NRCAM: variants seen among roughly 807,000 people sequenced by gnomAD.
NRCAM encodes the protein NgCAM-related cell adhesion molecule.
NRCAM carries 83 observed loss-of-function variants against 156.5 expected under a neutral mutation model. That is an observed-to-expected ratio of 0.53 (90% confidence interval 0.44 to 0.64). The LOEUF (loss-of-function observed/expected upper bound fraction) is 0.64, where lower values mean the gene tolerates loss of function less well. Among genes scored for constraint, NRCAM ranks in the 30% least tolerant of loss-of-function variants. NRCAM has a pLI of 0.00. For missense variants in NRCAM, 1,417 were observed against 1,597.3 expected (o/e 0.89, Z 1.92); for synonymous variants, 538 against 563.9 (o/e 0.95, Z 0.65).
intron 2 of NRCAM, among the ~76,000 whole-genome samples, chr7:108,348,974 G>C (rs2099390966): frequency 1.3e-5 from 2 of 152,030 alleles, no homozygotes; most frequent in Non-Finnish European, 2.9e-5. Flanking sequence ...ATCAGGATGG[G>C]GGGGAATGTA....
At chr7:108,283,461 G>A (rs1403631873) in intron 3 of NRCAM, among the ~76,000 whole-genome samples, 3 of 152,188 alleles carry the variant, frequency 2.0e-5, no homozygotes, top group Non-Finnish European at 4.4e-5. Context: ...CATCTGATGT[G>A]GACTTTGAAG....
chr7:108,154,258 T>C (rs2043494403), intron 32 of NRCAM, among the ~76,000 whole-genome samples: 1 of 152,148 alleles, frequency 6.6e-6, no homozygotes, highest in African/African-American at 2.4e-5. Context: ...TTGAAACTGG[T>C]GGAAGATCTT....
intron 1 of NRCAM, among the ~76,000 whole-genome samples, chr7:108,416,774 A>G (rs1802129296): frequency 6.6e-6 from 1 of 152,204 alleles, no homozygotes; most frequent in Non-Finnish European, 1.5e-5. Context: ...ATCACTGCAG[A>G]GCAGTTCACA....
intron 3 of NRCAM, among the ~76,000 whole-genome samples, chr7:108,274,607 G>A (rs556231661): frequency 4.6e-5 from 7 of 152,078 alleles, no homozygotes; most frequent in Admixed American, 6.6e-5. Context: ...GAGACTTTGC[G>A]GAAGTTGCTT....
intron 2 of NRCAM, among the ~76,000 whole-genome samples, chr7:108,370,801 C>A (rs2099623400): frequency 6.6e-6 from 1 of 152,094 alleles, no homozygotes; most frequent in Admixed American, 6.6e-5. Context: ...TGGCAGCACA[C>A]CCACATTCCC....
chr7:108,330,815 T>C (rs748220080), intron 2 of NRCAM, among the ~76,000 whole-genome samples: 4 of 152,166 alleles, frequency 2.6e-5, no homozygotes, highest in Non-Finnish European at 5.9e-5. Flanking sequence ...TTTTATCATC[T>C]GGTTTAACAC....
chr7:108,391,597 G>GTGAATT (rs949417743), intron 2 of NRCAM, among the ~76,000 whole-genome samples: 1 of 152,112 alleles, frequency 6.6e-6, no homozygotes, highest in African/African-American at 2.4e-5. Context: ...ATTGTTATGT[G>GTGAATT]TGAATTTGAT....
chr7:108,210,689 A>G (rs1376431636), intron 11 of NRCAM, among the ~76,000 whole-genome samples: 1 of 152,212 alleles, frequency 6.6e-6, no homozygotes, highest in Admixed American at 6.5e-5. Flanking sequence ...TTGCCTTAAT[A>G]GGGATAATAA....
chr7:108,267,509 C>G (rs546783912), intron 3 of NRCAM, among the ~76,000 whole-genome samples: 1 of 152,020 alleles, frequency 6.6e-6, no homozygotes, highest in African/African-American at 2.4e-5. Flanking sequence ...TACACGTGTC[C>G]GTATAAAGGT....
At chr7:108,304,152 T>C (rs1197796940) in intron 3 of NRCAM, among the ~76,000 whole-genome samples, 4 of 152,182 alleles carry the variant, frequency 2.6e-5, no homozygotes, top group Non-Finnish European at 2.9e-5. Context: ...ACTATTCAAA[T>C]ACCATGCTTA....
At chr7:108,301,025 T>C (rs2098600344) in intron 3 of NRCAM, among the ~76,000 whole-genome samples, 1 of 152,138 alleles carries the variant, frequency 6.6e-6, no homozygotes, top group Non-Finnish European at 1.5e-5. Context: ...CTATATTCTA[T>C]AAATAGAAGT....
At chr7:108,226,433 C>A in intron 8 of NRCAM, 55 bp from the exon 9 acceptor site, 1 of 1,284,502 alleles carries the variant, frequency 7.8e-7, no homozygotes, top group Non-Finnish European at 1.1e-6. Context: ...GGCTACCCTC[C>A]AAATTAGCAA....
At chr7:108,316,362 T>C (rs1388754519) in intron 2 of NRCAM, among the ~76,000 whole-genome samples, 1 of 152,206 alleles carries the variant, frequency 6.6e-6, no homozygotes, top group Non-Finnish European at 1.5e-5. Flanking sequence ...TCCAGAACCA[T>C]GAGCCAAATA....
intron 2 of NRCAM, among the ~76,000 whole-genome samples, chr7:108,331,537 T>C (rs1593741487): frequency 6.6e-6 from 1 of 152,238 alleles, no homozygotes; most frequent in Non-Finnish European, 1.5e-5. Flanking sequence ...TCCTTATATG[T>C]AAAATCAGGA....
At chr7:108,349,517 C>T (rs2099396298) in intron 2 of NRCAM, among the ~76,000 whole-genome samples, 1 of 152,180 alleles carries the variant, frequency 6.6e-6, no homozygotes, top group Non-Finnish European at 1.5e-5. Context: ...ATCCACCTGC[C>T]TCAGCCTCCT....
intron 12 of NRCAM, among the ~76,000 whole-genome samples, chr7:108,208,068 T>C (rs988460797): frequency 2.6e-5 from 4 of 151,534 alleles, no homozygotes; most frequent in African/African-American, 9.7e-5. Context: ...CCAAAGTGGC[T>C]GGATCACTTG....
chr7:108,350,232 C>T (rs1219594272), intron 2 of NRCAM, among the ~76,000 whole-genome samples: 2 of 152,182 alleles, frequency 1.3e-5, no homozygotes, highest in Non-Finnish European at 2.9e-5. Flanking sequence ...GTTTATTTAT[C>T]ATCTAAACTC....
At chr7:108,299,646 T>C (rs1321869338) in intron 3 of NRCAM, among the ~76,000 whole-genome samples, 1 of 152,170 alleles carries the variant, frequency 6.6e-6, no homozygotes, top group African/African-American at 2.4e-5. Context: ...ACCTTGACAG[T>C]CTTTAGATTT....
chr7:108,314,590 G>A (rs1010943009), intron 2 of NRCAM, among the ~76,000 whole-genome samples: 1 of 152,154 alleles, frequency 6.6e-6, no homozygotes, highest in Non-Finnish European at 1.5e-5. Context: ...TACAATAATA[G>A]TAATTCAATA....
Sources: gnomAD v4.1 joint callset for allele counts (sites outside exome capture counted in the v4.1 genomes callset) on GRCh38, gnomAD v4.1.1 for gene constraint, MANE v1.5 for transcripts, NCBI Gene and HGNC (gene_info 2026-07-23, HGNC 2026-07-21) for gene names.